Variants in CNOT6 observed in about 807,000 individuals in gnomAD.
CNOT6 encodes carbon catabolite repression 4 protein.
A neutral mutation model predicts 61.2 loss-of-function variants in CNOT6; 12 were observed. The observed-to-expected ratio is 0.20, with a 90% CI of 0.13 to 0.32. The LOEUF (loss-of-function observed/expected upper bound fraction) is 0.32. CNOT6 is among the 10% of genes least tolerant of loss of function. The pLI is 1.00. For synonymous variants in CNOT6, 225 were observed against 240.6 expected (o/e 0.94, Z 0.60); for missense variants, 405 against 663.9 (o/e 0.61, Z 4.28).
chr5:180,521,068 A>G (rs559565978), intron 1 of CNOT6, among the ~76,000 whole-genome samples: 1 of 152,100 alleles, frequency 6.6e-6, no homozygotes, highest in African/African-American at 2.4e-5. Flanking sequence ...CGAACTCCCG[A>G]GCTCAGACAG....
chr5:180,510,134 C>CTTTTTTTTTTTTTTTTTTTTTTTTTTTTT (rs56899929), intron 1 of CNOT6, among the ~76,000 whole-genome samples: 1 of 37,368 alleles, frequency 2.7e-5, no homozygotes, highest in Non-Finnish European at 4.8e-5. Flanking sequence ...GTCTGTAAAC[C>CTTTTTTTTTTTTTTTTTTTTTTTTTTTTT]TTTTTTTTTT....
At chr5:180,510,771 G>A (rs1000340336) in intron 1 of CNOT6, among the ~76,000 whole-genome samples, 1 of 151,938 alleles carries the variant, frequency 6.6e-6, no homozygotes, top group Non-Finnish European at 1.5e-5. Context: ...AGTGTCTTTT[G>A]GGGCTTTTTG....
At chr5:180,500,441 CT>C (rs35457190) in intron 1 of CNOT6, among the ~76,000 whole-genome samples, 23,875 of 126,402 alleles carry the variant, frequency 0.19, 1,978 homozygotes, top group Non-Finnish European at 0.22. Flanking sequence ...CTTTTCTTTT[CT>C]TTTTTTTTTT....
At chr5:180,531,830 A>C (rs1388699413) in intron 2 of CNOT6, among the ~76,000 whole-genome samples, 1 of 152,220 alleles carries the variant, frequency 6.6e-6, no homozygotes, top group Non-Finnish European at 1.5e-5. Flanking sequence ...CAAAAAATGC[A>C]AGAACCAGTC....
At chr5:180,503,212 A>G (rs1756958212) in intron 1 of CNOT6, among the ~76,000 whole-genome samples, 1 of 151,638 alleles carries the variant, frequency 6.6e-6, no homozygotes, top group South Asian at 2.1e-4. Context: ...TTGTAAACCC[A>G]TCATTTCAAG....
chr5:180,528,637 C>T (rs925997831), intron 1 of CNOT6, among the ~76,000 whole-genome samples: 8 of 152,096 alleles, frequency 5.3e-5, no homozygotes, highest in Admixed American at 4.6e-4. Context: ...TTCTAATTTT[C>T]AGGTGACTGA....
chr5:180,503,766 C>T (rs1004689138), intron 1 of CNOT6, among the ~76,000 whole-genome samples: 17 of 151,748 alleles, frequency 1.1e-4, no homozygotes, highest in East Asian at 3.9e-4. Flanking sequence ...CCACCACACC[C>T]GGCTAATTTT....
chr5:180,557,477 G>A (rs1759956194), intron 4 of CNOT6, among the ~76,000 whole-genome samples: 1 of 152,168 alleles, frequency 6.6e-6, no homozygotes, highest in Non-Finnish European at 1.5e-5. Context: ...CCCCAATAAA[G>A]ATACCCAACA....
At chr5:180,552,391 G>A (rs1484496317) in intron 3 of CNOT6, among the ~76,000 whole-genome samples, 1 of 151,478 alleles carries the variant, frequency 6.6e-6, no homozygotes, top group Admixed American at 6.6e-5. Context: ...TATAATCCCA[G>A]CACACTTTGG....
chr5:180,535,782 A>G (rs917838657), intron 2 of CNOT6, among the ~76,000 whole-genome samples: 8 of 152,128 alleles, frequency 5.3e-5, no homozygotes, highest in African/African-American at 1.9e-4. Flanking sequence ...ACAGTGTTCA[A>G]GCGTTCCTTT....
At chr5:180,531,576 A>G (rs915272614) in intron 2 of CNOT6, among the ~76,000 whole-genome samples, 1 of 152,024 alleles carries the variant, frequency 6.6e-6, no homozygotes, top group African/African-American at 2.4e-5. Flanking sequence ...CACTTCCCAG[A>G]CGGGGTGGCG....
intron 1 of CNOT6, among the ~76,000 whole-genome samples, chr5:180,505,019 C>G (rs1267403415): frequency 7.3e-6 from 1 of 136,716 alleles, no homozygotes; most frequent in Non-Finnish European, 1.5e-5. Flanking sequence ...AGTGCAGTGG[C>G]GCGATCTTGA....
chr5:180,565,902 G>A lies in CNOT6; in HGVS notation c.642G>A (p.Ala214=), dbSNP rs766740241. 7.4e-6 allele frequency: 12 copies of A among 1,613,868 alleles called. No individual in the cohort carries two copies. The highest frequency in any genetic ancestry group is 2.7e-5 in the African/African-American group (2 of 75,006). ...TATACGGCTACTGTCCATCATGGGC[G>A]CTAAACTGGGACTACAGGAAAAAGG... ...RQLYGYCPSW[A]LNWDYRKKAI... The change falls in exon 7 of 12, where the codon GCG becomes GCA. Residue 214 remains alanine (A), a synonymous_variant. Coordinates refer to ENST00000261951, the MANE Select transcript of CNOT6 (RefSeq NM_001370472.1).
At chr5:180,502,308 C>T (rs554405117) in intron 1 of CNOT6, among the ~76,000 whole-genome samples, 9 of 152,162 alleles carry the variant, frequency 5.9e-5, no homozygotes, top group East Asian at 3.9e-4. Flanking sequence ...TTCTCATTAG[C>T]GATAGAGATT....
chr5:180,526,248 G>A (rs1280633433), intron 1 of CNOT6, among the ~76,000 whole-genome samples: 1 of 152,180 alleles, frequency 6.6e-6, no homozygotes, highest in Non-Finnish European at 1.5e-5. Flanking sequence ...AGTAGCTGGA[G>A]CGAGAAATGA....
intron 1 of CNOT6, chr5:180,495,601 G>A (rs1261924995): frequency 1.3e-5 from 2 of 152,230 alleles, no homozygotes; most frequent in East Asian, 1.9e-4. Context: ...AAGCTGATGT[G>A]TTTTAGATAA....
At chr5:180,515,264 AAAAG>A (rs1286498746) in intron 1 of CNOT6, among the ~76,000 whole-genome samples, 12 of 152,052 alleles carry the variant, frequency 7.9e-5, no homozygotes, top group Non-Finnish European at 1.6e-4. Context: ...TACAAAAAAA[AAAAG>A]AAAGAAAAAA....
chr5:180,569,779 CT>C (rs1313186732), intron 10 of CNOT6, among the ~76,000 whole-genome samples: 1 of 152,152 alleles, frequency 6.6e-6, no homozygotes, highest in African/African-American at 2.4e-5. Flanking sequence ...GGAAAATGAG[CT>C]CCTTTATTTG....
At chr5:180,567,393 T>C (rs909879035) in intron 8 of CNOT6, 151 bp downstream of exon 8, 62 of 698,278 alleles carry the variant, frequency 8.9e-5, no homozygotes, top group Admixed American at 2.0e-4. Flanking sequence ...TTTTTGTTTG[T>C]TTTTAATCAT....
Sources: gnomAD v4.1 joint callset for allele counts (sites outside exome capture counted in the v4.1 genomes callset) on GRCh38, gnomAD v4.1.1 for gene constraint, MANE v1.5 for transcripts, NCBI Gene and HGNC (gene_info 2026-07-23, HGNC 2026-07-21) for gene names.